ZNF280A: variants seen among roughly 807,000 people sequenced by gnomAD.
The protein encoded by ZNF280A is zinc finger protein 280A.
A neutral mutation model predicts 35.9 loss-of-function variants in ZNF280A; 26 were observed. That is an observed-to-expected ratio of 0.72 (90% confidence interval 0.53 to 1.01). ZNF280A has a LOEUF of 1.01. ZNF280A is among the 50% of genes least tolerant of loss of function. The pLI is 0.00. For missense variants in ZNF280A, 654 were observed against 652.0 expected, an observed-to-expected ratio of 1.00 and a Z score of -0.03; for synonymous variants, 231 against 232.9, an observed-to-expected ratio of 0.99 and a Z score of 0.07.
chr22:22,517,096 T>C (rs893312853), intron 1 of ZNF280A, among the ~76,000 whole-genome samples: 1 of 151,628 alleles, frequency 6.6e-6, no homozygotes, highest in Non-Finnish European at 1.5e-5. Context: ...AAAGGAAGAC[T>C]CTGTGTCTTA....
rs1402013597 is a variant in ZNF280A, at chr22:22,514,875, C to T, written c.756G>A (p.Met252Ile). ...PERASESALA[M>I]TDISSLASQN... is the part of the protein sequence containing the mutation. ...GACTTGCTAGACTTGAAATGTCTGT[C>T]ATTGCCAGGGCAGACTCACTTGCTC... The change falls in exon 2 of 2, where the codon ATG becomes ATA. Residue 252 changes from methionine to isoleucine, a missense_variant. Coordinates refer to ENST00000302097, the MANE Select transcript of ZNF280A (RefSeq NM_080740.5). The T allele has an allele frequency of 3.1e-6, 5 of 1,613,624 alleles. No individual in the cohort carries two copies. Among genetic ancestry groups the T allele is most frequent in the Non-Finnish European group, 4.2e-6 (5 of 1,179,896 alleles).
rs189976596 is a variant in ZNF280A, at chr22:22,518,763, G to A, written c.-72+1326C>T. On this transcript the variant is annotated intron_variant, in intron 1 of 1. Coordinates refer to ENST00000302097, the MANE Select transcript of ZNF280A (RefSeq NM_080740.5). ...AGATCGCACCACTGTGCTCCAGCCT[G>A]GGTGACAGAGTGAGACTGTCTCAAA... Among the ~76,000 whole-genome samples the A allele has an allele frequency of 4.8e-3, 700 of 146,522 alleles. 16 individuals are homozygous for A. Among genetic ancestry groups the A allele is most frequent in the Admixed American group, 0.041 (610 of 14,766 alleles).
rs2062049133 is a variant in ZNF280A, at chr22:22,514,746, G to A, written c.885C>T (p.His295=). The A allele has an allele frequency of 3.1e-6, 5 of 1,613,828 alleles. No individual in the cohort carries two copies. The highest frequency in any genetic ancestry group is 4.2e-6 in the Non-Finnish European group (5 of 1,179,992). Residue 295 remains histidine (H), a synonymous_variant, in exon 2 of 2, where the codon CAC becomes CAT. Transcript: ENST00000302097. ...KGDGQPEQKT[H]TTFKCLSCVK... is the part of the protein sequence containing the mutation. Reference sequence around the variant, plus strand: ...CGCAGCTGAGGCATTTAAAGGTGGTGTGAGTCTTCTGTTCCGGCTGCCCAT... The same window carrying A: ...CGCAGCTGAGGCATTTAAAGGTGGTATGAGTCTTCTGTTCCGGCTGCCCAT...
rs769205674 is a variant in ZNF280A, at chr22:22,513,964, T to C, written c.*38A>G. On this transcript the variant is annotated 3_prime_UTR_variant, in exon 2 of 2. Transcript: ENST00000302097. ...TGCACATATGGCCTAGCCTCACTTC[T>C]GCCTTTCGGAACTCCTGGAAGTCAG... The C allele has an allele frequency of 1.7e-6, 2 of 1,173,342 alleles. No homozygotes were observed. Among genetic ancestry groups the C allele is most frequent in the East Asian group, 4.7e-5 (2 of 42,716 alleles). The allele number at this position is 1,173,342 out of a possible 1,614,324, so 72.7% of individuals were successfully genotyped here. A position where few individuals can be genotyped will look rare whatever the true frequency, so the allele number is the denominator to read the frequency against.
At position 22,515,141 on chromosome 22, in the gene ZNF280A, C is replaced by T. The variant is rs143078630; in HGVS notation, c.490G>A (p.Asp164Asn). 1.8e-5 allele frequency: 29 copies of T among 1,613,884 alleles called. No homozygotes were observed. The African/African-American group carries it at 3.2e-4, about 18-fold the overall frequency. The change falls in exon 2 of 2, where the codon GAT becomes AAT. Residue 164 changes from aspartate (D) to asparagine (N), a missense_variant. Coordinates refer to ENST00000302097, the MANE Select transcript of ZNF280A (RefSeq NM_080740.5). Reference sequence around the variant, plus strand: ...TCTGAAGTGGAAAGTCGCTTTGAATCAGGAGAACTCTCATTTCTGCCTCCT... The same window carrying T: ...TCTGAAGTGGAAAGTCGCTTTGAATTAGGAGAACTCTCATTTCTGCCTCCT... ...SGGGRNESSP[D>N]SKRLSTSDIN...
chr22:22,514,512 A>G lies in ZNF280A; in HGVS notation c.1119T>C (p.Phe373=), dbSNP rs557783348. ...GTTGTAAGAGGACCTGATCTGTTTC[A>G]AATGACAATTCACAGATTTTACAGA... is the stretch of plus-strand genomic sequence containing the variant. ...SAVCKICELS[F]ETDQVLLQHM... is the part of the protein sequence containing the mutation. The change falls in exon 2 of 2, where the codon TTT becomes TTC. Residue 373 remains phenylalanine, a synonymous_variant. Coordinates refer to ENST00000302097, the MANE Select transcript of ZNF280A (RefSeq NM_080740.5). 1.2e-6 allele frequency: 2 copies of G among 1,613,952 alleles called. No individual in the cohort carries two copies. Among genetic ancestry groups the G allele is most frequent in the Admixed American group, 1.7e-5 (1 of 59,992 alleles).
rs1234417484 is a variant in ZNF280A, at chr22:22,515,309, C to T, written c.322G>A (p.Gly108Arg). Reference sequence around the variant, plus strand: ...GTGACAGGACTATCTGTCGATCGCCCCTCAGACAGAGAAACCGGCATGATG... The same window carrying T: ...GTGACAGGACTATCTGTCGATCGCCTCTCAGACAGAGAAACCGGCATGATG... ...KAIMPVSLSE[G>R]RSTDSPVTMK... Residue 108 changes from glycine to arginine, a missense_variant, in exon 2 of 2, where the codon GGG (glycine) becomes AGG (arginine). By Grantham distance (125) the Gly-to-Arg change is moderately radical (BLOSUM62 -2). Coordinates refer to ENST00000302097, the MANE Select transcript of ZNF280A (RefSeq NM_080740.5). The T allele has an allele frequency of 6.2e-7, 1 of 1,613,868 alleles. No individual in the cohort carries two copies. The highest frequency in any genetic ancestry group is 8.5e-7 in the Non-Finnish European group (1 of 1,179,956).
chr22:22,514,884 G>C lies in ZNF280A; in HGVS notation c.747C>G (p.Ala249=). The part of the protein sequence containing the change: ...LTDPERASES[A]LAMTDISSLA... ...GACTTGAAATGTCTGTCATTGCCAG[G>C]GCAGACTCACTTGCTCTCTCTGGAT... The change falls in exon 2 of 2, where the codon GCC becomes GCG. Residue 249 remains alanine (A), a synonymous_variant. Coordinates refer to ENST00000302097, the MANE Select transcript of ZNF280A (RefSeq NM_080740.5). The C allele has an allele frequency of 1.2e-6, 2 of 1,613,684 alleles. No homozygotes were observed. Among genetic ancestry groups the C allele is most frequent in the Non-Finnish European group, 1.7e-6 (2 of 1,179,878 alleles).
intron 1 of ZNF280A, among the ~76,000 whole-genome samples, chr22:22,518,052 C>T (rs2062094280): frequency 2.0e-5 from 3 of 151,622 alleles, no homozygotes; most frequent in Admixed American, 1.3e-4. Context: ...CAGTCTCCCG[C>T]GTAGCTGGGA....
rs1331687952 is a variant in ZNF280A at position 22,514,878 on chromosome 22, T to C, written c.753A>G (p.Ala251=). 6.2e-7 allele frequency: 1 copy of C among 1,613,640 alleles called. No individual in the cohort carries two copies. Among genetic ancestry groups the C allele is most frequent in the Non-Finnish European group, 8.5e-7 (1 of 1,179,908 alleles). Residue 251 remains alanine, a synonymous_variant, in exon 2 of 2, where the codon GCA becomes GCG. Coordinates refer to ENST00000302097, the MANE Select transcript of ZNF280A (RefSeq NM_080740.5). ...DPERASESAL[A]MTDISSLASQ... is the part of the protein sequence containing the mutation. Reference sequence around the variant, plus strand: ...TTGCTAGACTTGAAATGTCTGTCATTGCCAGGGCAGACTCACTTGCTCTCT... The same window carrying C: ...TTGCTAGACTTGAAATGTCTGTCATCGCCAGGGCAGACTCACTTGCTCTCT...
At position 22,514,217 on chromosome 22, in the gene ZNF280A, T is replaced by C; in HGVS notation, c.1414A>G (p.Lys472Glu). 6.2e-7 allele frequency: 1 copy of C among 1,613,800 alleles called. No homozygotes were observed. The highest frequency in any genetic ancestry group is 8.5e-7 in the Non-Finnish European group (1 of 1,179,942). The part of the protein sequence containing the change: ...TLKEEIEHKT[K>E]DHQTFKKPEQ... ...GGCTTTTTAAATGTTTGATGGTCCTTGGTTTTGTGCTCTATTTCCTCCTTC... is the reference window on the plus strand; with the variant it reads ...GGCTTTTTAAATGTTTGATGGTCCTCGGTTTTGTGCTCTATTTCCTCCTTC... The change falls in exon 2 of 2, where the codon AAG (lysine) becomes GAG (glutamate). Residue 472 changes from lysine (K) to glutamate (E), a missense_variant. Transcript: ENST00000302097.
At chr22:22,518,051 G>T (rs1157662535) in intron 1 of ZNF280A, among the ~76,000 whole-genome samples, 1 of 151,076 alleles carries the variant, frequency 6.6e-6, no homozygotes, top group African/African-American at 2.4e-5. Flanking sequence ...TCAGTCTCCC[G>T]CGTAGCTGGG....
rs564933880 is a variant in ZNF280A at position 22,515,310 on chromosome 22, C to T, written c.321G>A (p.Glu107=). The T allele has an allele frequency of 1.6e-5, 26 of 1,613,848 alleles. No homozygotes were observed. The East Asian group carries it at 4.0e-4, about 25-fold the overall frequency. The change falls in exon 2 of 2, where the codon GAG becomes GAA. Residue 107 remains glutamate (E), a synonymous_variant. Transcript: ENST00000302097. ...TGACAGGACTATCTGTCGATCGCCCCTCAGACAGAGAAACCGGCATGATGG... is the reference window on the plus strand; with the variant it reads ...TGACAGGACTATCTGTCGATCGCCCTTCAGACAGAGAAACCGGCATGATGG... ...AKAIMPVSLS[E]GRSTDSPVTM...
chr22:22,514,169 T>G lies in ZNF280A; in HGVS notation c.1462A>C (p.Ser488Arg), dbSNP rs361666. 0.35 allele frequency: 558,518 copies of G among 1,612,870 alleles called. 105,469 individuals are homozygous for G. Among genetic ancestry groups the G allele is most frequent in the African/African-American group, 0.7 (52,372 of 74,624 alleles). Reference protein sequence around the residue: ...KKPEQLQGLPSETKVIIQTSV... With the variant: ...KKPEQLQGLPRETKVIIQTSV... The stretch of plus-strand genomic sequence containing the variant: ...GTTTGAATAATAACTTTTGTTTCAC[T>G]AGGCAACCCTTGCAGTTGCTCCGGC... The change falls in exon 2 of 2, where the codon AGT becomes CGT. Residue 488 changes from serine (S) to arginine (R), a missense_variant. Coordinates refer to ENST00000302097, the MANE Select transcript of ZNF280A (RefSeq NM_080740.5).
Position 22,515,255 on chromosome 22 carries a change from T to A in ZNF280A, c.376A>T (p.Lys126Ter). Residue 126 changes from lysine to a stop codon, truncating the protein, a stop_gained, in exon 2 of 2, where the codon AAA (lysine) becomes TAA (stop). Coordinates refer to ENST00000302097, the MANE Select transcript of ZNF280A (RefSeq NM_080740.5). LOFTEE classifies it high-confidence loss of function. The stretch of plus-strand genomic sequence containing the variant: ...GAAACAACTTGTGGTGAGCTCATTT[T>A]ATAACCAGGTTCAGATGAAGACTTC... ...TMKSSSEPGY[K>*]MSSPQVVSPS... The A allele has an allele frequency of 6.2e-7, 1 of 1,613,882 alleles. No individual in the cohort carries two copies. The highest frequency in any genetic ancestry group is 8.5e-7 in the Non-Finnish European group (1 of 1,179,954).
chr22:22,514,457 T>C lies in ZNF280A; in HGVS notation c.1174A>G (p.Met392Val), dbSNP rs149465005. ...TGGCAAACCTGGCACACATAAGGCA[T>C]TTCGCCAGGCTTATGATGGTCCTTC... ...HMKDHHKPGE[M>V]PYVCQVCHYR... Residue 392 changes from methionine to valine, a missense_variant, in exon 2 of 2, where the codon ATG becomes GTG. Met to Val is a conservative substitution (Grantham distance 21). Coordinates refer to ENST00000302097, the MANE Select transcript of ZNF280A (RefSeq NM_080740.5). 3 of 1,613,804 alleles carry C rather than the reference T, an allele frequency of 1.9e-6. No homozygotes were observed. The highest frequency in any genetic ancestry group is 2.7e-5 in the African/African-American group (2 of 74,866).
intron 1 of ZNF280A, among the ~76,000 whole-genome samples, chr22:22,517,792 G>A (rs552841246): frequency 3.1e-4 from 46 of 150,282 alleles, no homozygotes; most frequent in Non-Finnish European, 6.3e-4. Context: ...CCTTTTGTGA[G>A]GATAAGCGTG....
rs762546091 is a variant in ZNF280A, at chr22:22,514,669, T to A, written c.962A>T (p.Glu321Val). The part of the protein sequence containing the change: ...KFMNHMKHHL[E>V]FEKQRNDSWE... The stretch of plus-strand genomic sequence containing the variant: ...GCTGTCGTTCCTCTGCTTCTCAAAT[T>A]CCAAATGATGCTTCATGTGATTCAT... Residue 321 changes from glutamate (E) to valine (V), a missense_variant, in exon 2 of 2, where the codon GAA (glutamate) becomes GTA (valine). Physicochemically the swap from Glu to Val is moderately radical, Grantham distance 121. Transcript: ENST00000302097. 6.3e-5 allele frequency: 101 copies of A among 1,613,832 alleles called. No homozygotes were observed. Among genetic ancestry groups the A allele is most frequent in the Non-Finnish European group, 7.9e-5 (93 of 1,179,994 alleles).
At chr22:22,516,693 C>T (rs9607981) in intron 1 of ZNF280A, among the ~76,000 whole-genome samples, 50,880 of 151,628 alleles carry the variant, frequency 0.34, 8,855 homozygotes, top group East Asian at 0.44. Flanking sequence ...TTTAAATTTC[C>T]CCATGGAACC....
Sources: allele counts gnomAD v4.1 joint callset (sites outside exome capture counted in the v4.1 genomes callset), GRCh38; gene constraint gnomAD v4.1.1; transcripts MANE v1.5; gene names NCBI Gene and HGNC (gene_info 2026-07-23, HGNC 2026-07-21).